BMAL2: variants seen among roughly 807,000 people sequenced by gnomAD.
The protein encoded by BMAL2 is basic helix-loop-helix ARNT-like protein 2.
At chr12:27,393,488 T>G in the BMAL2 span, among the ~76,000 whole-genome samples, 1 of 152,202 alleles carries the variant, frequency 6.6e-6, no homozygotes, top group African/African-American at 2.4e-5. Context: ...TTAGACTCTT[T>G]TCTCAAGATT....
chr12:27,388,087 G>A, the BMAL2 span, among the ~76,000 whole-genome samples: 3 of 150,172 alleles, frequency 2.0e-5, no homozygotes, highest in Admixed American at 6.6e-5. Flanking sequence ...ACCCACACAT[G>A]CACACACACA....
At chr12:27,401,784 A>G in the BMAL2 span, 2 of 717,114 alleles carry the variant, frequency 2.8e-6, no homozygotes, top group Non-Finnish European at 4.2e-6. Flanking sequence ...CTGGCCTTTT[A>G]TTGTAACTTG....
At chr12:27,406,796 G>A in the BMAL2 span, among the ~76,000 whole-genome samples, 1 of 152,134 alleles carries the variant, frequency 6.6e-6, no homozygotes, top group South Asian at 2.1e-4. Flanking sequence ...ACACAGACTG[G>A]CAAATTGTAT....
the BMAL2 span, among the ~76,000 whole-genome samples, chr12:27,342,018 C>A: frequency 6.6e-6 from 1 of 151,400 alleles, no homozygotes; most frequent in South Asian, 2.1e-4. Flanking sequence ...CTCACTGCAA[C>A]CTCCACCTCC....
the BMAL2 span, among the ~76,000 whole-genome samples, chr12:27,416,178 CTT>C: frequency 6.6e-6 from 1 of 152,028 alleles, no homozygotes. Flanking sequence ...TAACCTCAGA[CTT>C]TTACTTAAAC....
At chr12:27,338,651 C>A in the BMAL2 span, among the ~76,000 whole-genome samples, 7 of 152,224 alleles carry the variant, frequency 4.6e-5, no homozygotes, top group African/African-American at 1.7e-4. Flanking sequence ...GGCTTCCCCT[C>A]CAAGGTCTGT....
At chr12:27,379,155 T>C in the BMAL2 span, among the ~76,000 whole-genome samples, 6 of 152,164 alleles carry the variant, frequency 3.9e-5, no homozygotes, top group African/African-American at 1.4e-4. Flanking sequence ...TTGTGTTACC[T>C]ACCAAGATAA....
chr12:27,376,206 T>TG, the BMAL2 span: 3 of 678,774 alleles, frequency 4.4e-6, no homozygotes, highest in Non-Finnish European at 7.5e-6. Flanking sequence ...GGTCATTAGG[T>TG]GCTCAAGGGA....
chr12:27,353,027 C>T, the BMAL2 span, among the ~76,000 whole-genome samples: 2 of 151,440 alleles, frequency 1.3e-5, no homozygotes, highest in African/African-American at 2.4e-5. Flanking sequence ...AGATTCAGTG[C>T]TATTTCTATC....
At chr12:27,407,161 A>G in the BMAL2 span, among the ~76,000 whole-genome samples, 1 of 150,844 alleles carries the variant, frequency 6.6e-6, no homozygotes. Context: ...TTAACACCCC[A>G]CTGTCAACAT....
At chr12:27,373,560 G>C in the BMAL2 span, among the ~76,000 whole-genome samples, 1 of 152,118 alleles carries the variant, frequency 6.6e-6, no homozygotes, top group African/African-American at 2.4e-5. Flanking sequence ...ATATACTCTG[G>C]GGGTGCTGAC....
the BMAL2 span, among the ~76,000 whole-genome samples, chr12:27,372,482 C>T: frequency 7.3e-4 from 111 of 152,200 alleles, no homozygotes; most frequent in African/African-American, 2.5e-3. Flanking sequence ...TACAAATACC[C>T]GTTTTAGTCC....
chr12:27,358,513 A>G, the BMAL2 span, among the ~76,000 whole-genome samples: 2 of 152,164 alleles, frequency 1.3e-5, no homozygotes. Context: ...GTATTTATAA[A>G]ATTCATAATC....
chr12:27,381,887 A>G, the BMAL2 span, among the ~76,000 whole-genome samples: 2 of 152,240 alleles, frequency 1.3e-5, no homozygotes, highest in African/African-American at 4.8e-5. Context: ...CTCAAAAATC[A>G]TAAAAAGGGA....
At chr12:27,367,544 G>A in the BMAL2 span, among the ~76,000 whole-genome samples, 2 of 152,082 alleles carry the variant, frequency 1.3e-5, no homozygotes, top group Non-Finnish European at 2.9e-5. Context: ...TGTAACATTG[G>A]TTTGTGTAAC....
the BMAL2 span, among the ~76,000 whole-genome samples, chr12:27,341,950 T>G: frequency 6.6e-6 from 1 of 152,294 alleles, no homozygotes; most frequent in South Asian, 2.1e-4. Context: ...ATTTTTTTTA[T>G]TTTTGAGACA....
the BMAL2 span, among the ~76,000 whole-genome samples, chr12:27,361,296 GACCTTTGAAATATTGCAAGATTGATT>G: frequency 1.3e-5 from 2 of 152,280 alleles, no homozygotes; most frequent in African/African-American, 4.8e-5. Context: ...CTAAATAGTA[GACCTTTGAAATATTGCAAGATTGATT>G]ATCATCACCA....
chr12:27,398,984 C>T, the BMAL2 span, among the ~76,000 whole-genome samples: 1 of 151,962 alleles, frequency 6.6e-6, no homozygotes, highest in Non-Finnish European at 1.5e-5. Flanking sequence ...CTAGGATGAC[C>T]CCCAGATTTC....
At chr12:27,338,299 G>A in the BMAL2 span, among the ~76,000 whole-genome samples, 3 of 152,270 alleles carry the variant, frequency 2.0e-5, no homozygotes, top group Admixed American at 2.0e-4. Context: ...CAAAATATTT[G>A]TAATATAAGG....
Sources: allele counts gnomAD v4.1 joint callset (sites outside exome capture counted in the v4.1 genomes callset), GRCh38; gene constraint gnomAD v4.1.1; transcripts MANE v1.5; gene names NCBI Gene and HGNC (gene_info 2026-07-23, HGNC 2026-07-21).